PLD2: variants seen among roughly 807,000 people sequenced by gnomAD.
PLD2 encodes the protein phospholipase D2, also known as choline phosphatase 2.
PLD2 carries 101 observed loss-of-function variants against 119.8 expected under a neutral mutation model. That is an observed-to-expected ratio of 0.84 (90% CI 0.72 to 0.99). The LOEUF is 0.99. Among genes scored for constraint, PLD2 ranks in the 50% least tolerant of loss-of-function variants. The pLI is 0.00. For missense variants in PLD2, 1,164 were observed against 1,226.8 expected (o/e 0.95, Z 0.76); for synonymous variants, 494 against 482.8 (o/e 1.02, Z -0.30).
In PLD2 at chr17:4,808,195, G is replaced by A; in HGVS notation, c.241-79G>A. The A allele has an allele frequency of 6.3e-7, 1 of 1,591,592 alleles. No homozygotes were observed. Among genetic ancestry groups the A allele is most frequent in the Non-Finnish European group, 8.6e-7 (1 of 1,165,258 alleles). ...AGGTGGCTGGGCTGGCCCCAGGGAA[G>A]GGGCAAAAGGAGGGCTGGCCAGAGT... is the stretch of plus-strand genomic sequence containing the variant. On this transcript the variant is annotated intron_variant, in intron 3 of 24. Coordinates refer to ENST00000263088, the MANE Select transcript of PLD2 (RefSeq NM_002663.5). The surrounding 1 kb of genome is among the most constrained non-coding windows in gnomAD (Gnocchi z 4.1).
At position 4,808,214 on chromosome 17, in the gene PLD2, C is replaced by T; in HGVS notation, c.241-60C>T. 1 of 1,596,400 alleles carries T rather than the reference C, an allele frequency of 6.3e-7. No homozygotes were observed. The highest frequency in any genetic ancestry group is 1.1e-5 in the South Asian group (1 of 89,246). On this transcript the variant is annotated intron_variant, in intron 3 of 24. Transcript: ENST00000263088. This position sits in a 1 kb window ranked among gnomAD's most constrained non-coding sequence, Gnocchi z 4.1. ...AGGGAAGGGGCAAAAGGAGGGCTGG[C>T]CAGAGTGGGGAGGCGGGGACCCACG...
At chr17:4,816,486 C>A in intron 14 of PLD2, 134 bp from the exon 15 acceptor site, 1 of 920,534 alleles carries the variant, frequency 1.1e-6, no homozygotes, top group Non-Finnish European at 1.7e-6. Context: ...GAGGGGAGGG[C>A]TGGGGAATCA....
chr17:4,807,821 T>C lies in PLD2; in HGVS notation c.49T>C (p.Ser17Pro). The C allele has an allele frequency of 6.2e-7, 1 of 1,612,328 alleles. No individual in the cohort carries two copies. The highest frequency in any genetic ancestry group is 8.5e-7 in the Non-Finnish European group (1 of 1,179,576). Residue 17 changes from serine (S) to proline (P), a missense_variant, in exon 2 of 25, where the codon TCC (serine) becomes CCC (proline). Ser to Pro is a moderately conservative substitution (Grantham distance 74). Coordinates refer to ENST00000263088, the MANE Select transcript of PLD2 (RefSeq NM_002663.5). This position sits in a 1 kb window ranked among gnomAD's most constrained non-coding sequence, Gnocchi z 5.4. ...SLFPTGDELD[S>P]SQLQMESDEV... ...CTTCCCCACTGGGGACGAACTGGAC[T>C]CCAGCCAGCTCCAGATGGAGTCCGA...
At chr17:4,818,956 C>A in intron 21 of PLD2, 128 bp from the exon 22 acceptor site, 1 of 1,501,274 alleles carries the variant, frequency 6.7e-7, no homozygotes, top group Non-Finnish European at 9.1e-7. Flanking sequence ...CATAGCTGGC[C>A]TTTCACTGCA....
chr17:4,823,087 C>T lies in PLD2; in HGVS notation c.*223C>T. 1 of 542,878 alleles carries T rather than the reference C, an allele frequency of 1.8e-6. No individual in the cohort carries two copies. 33.6% of individuals were successfully genotyped at this position (542,878 alleles called of 1,614,324 possible). ...AGGAGGAGAGAGTCCCAGAGCTCAT[C>T]CCCCCTGCTGCCCAGTGCAAACCAC... On this transcript the variant is annotated 3_prime_UTR_variant, in exon 25 of 25. Coordinates refer to ENST00000263088, the MANE Select transcript of PLD2 (RefSeq NM_002663.5).
At chr17:4,821,699 T>C in intron 23 of PLD2, 94 bp from the exon 24 acceptor site, 1 of 881,106 alleles carries the variant, frequency 1.1e-6, no homozygotes, top group Non-Finnish European at 1.9e-6. Flanking sequence ...CCAGCCAATT[T>C]TGAATTACCT....
chr17:4,820,645 G>A (rs766428791), intron 23 of PLD2, among the ~76,000 whole-genome samples: 5 of 147,352 alleles, frequency 3.4e-5, no homozygotes, highest in East Asian at 4.0e-4. Flanking sequence ...GCGCGATCTC[G>A]GCTCACTGCA....
At chr17:4,820,302 T>C (rs534630678) in intron 23 of PLD2, among the ~76,000 whole-genome samples, 13 of 151,490 alleles carry the variant, frequency 8.6e-5, no homozygotes, top group Admixed American at 3.3e-4. Flanking sequence ...GGTTTCACTC[T>C]TGTCGCCCAG....
intron 5 of PLD2, 23 bp from the exon 6 acceptor site, chr17:4,809,275 T>C: frequency 6.2e-7 from 1 of 1,613,430 alleles, no homozygotes. Context: ...TCTGTCTCTC[T>C]CTCTCTCTCA....
Position 4,814,662 on chromosome 17 carries a change from C to T in PLD2, c.1124C>T (p.Pro375Leu), listed in dbSNP as rs772222355. ...WLSPEVYLKR[P>L]AHSDDWRLDI... is the part of the protein sequence containing the mutation. The stretch of plus-strand genomic sequence containing the variant: ...AGTCCTGAGGTTTACCTGAAGCGTC[C>T]GGCCCATTCAGATGACTGGAGACTG... Residue 375 changes from proline (P) to leucine (L), a missense_variant, in exon 12 of 25, where the codon CCG becomes CTG. Pro to Leu is a moderately conservative substitution (Grantham distance 98, BLOSUM62 -3). Coordinates refer to ENST00000263088, the MANE Select transcript of PLD2 (RefSeq NM_002663.5). 5 of 1,613,898 alleles carry T rather than the reference C, an allele frequency of 3.1e-6. No homozygotes were observed. Among genetic ancestry groups the T allele is most frequent in the African/African-American group, 1.3e-5 (1 of 74,854 alleles).
chr17:4,809,160 C>A lies in PLD2; in HGVS notation c.444C>A (p.Pro148=). 2.5e-6 allele frequency: 4 copies of A among 1,614,184 alleles called. No individual in the cohort carries two copies. The highest frequency in any genetic ancestry group is 3.4e-6 in the Non-Finnish European group (4 of 1,180,026). Residue 148 remains proline, a synonymous_variant, in exon 5 of 25, where the codon CCC becomes CCA. Transcript: ENST00000263088. ...GCAACAGAGAGATGCCCTCTCTACC[C>A]CGGGCAGGTCCTGAGGGCTCCACCA... ...DAGNREMPSL[P]RAGPEGSTRH...
At chr17:4,809,627 G>GC in intron 7 of PLD2, 64 bp from the exon 8 acceptor site, 1 of 1,608,792 alleles carries the variant, frequency 6.2e-7, no homozygotes, top group Non-Finnish European at 8.5e-7. Flanking sequence ...ATTGGGGCAA[G>GC]CAGTGCAGGG....
At chr17:4,818,906 G>T in intron 21 of PLD2, 83 bp downstream of exon 21, 2 of 1,515,144 alleles carry the variant, frequency 1.3e-6, no homozygotes, top group Non-Finnish European at 9.1e-7. Flanking sequence ...GGTGGGGGAA[G>T]GAGGCTGTCA....
chr17:4,821,771 C>CT, intron 23 of PLD2, 22 bp from the exon 24 acceptor site: 1 of 1,535,874 alleles, frequency 6.5e-7, no homozygotes, highest in Non-Finnish European at 9.0e-7. Flanking sequence ...TCTGGCCCTG[C>CT]TGGGACCCCT....
chr17:4,818,439 G>A (rs1234248233), intron 19 of PLD2, 54 bp downstream of exon 19: 3 of 1,604,704 alleles, frequency 1.9e-6, no homozygotes, highest in Non-Finnish European at 2.6e-6. Context: ...GAGCCCGGTT[G>A]AAGGGGGTGG....
Position 4,814,664 on chromosome 17 carries a change from G to A in PLD2, c.1126G>A (p.Ala376Thr). 1.2e-6 allele frequency: 2 copies of A among 1,614,086 alleles called. No individual in the cohort carries two copies. Among genetic ancestry groups the A allele is most frequent in the East Asian group, 2.2e-5 (1 of 44,878 alleles). Residue 376 changes from alanine (A) to threonine (T), a missense_variant, in exon 12 of 25, where the codon GCC becomes ACC. Coordinates refer to ENST00000263088, the MANE Select transcript of PLD2 (RefSeq NM_002663.5). ...LSPEVYLKRP[A>T]HSDDWRLDIM... ...TCCTGAGGTTTACCTGAAGCGTCCG[G>A]CCCATTCAGATGACTGGAGACTGGA...
rs759898324 is a variant in PLD2 at position 4,822,812 on chromosome 17, T to C, written c.2750T>C (p.Leu917Pro). ...AAGTTCCTAGAGGATGAGTCTTTGCTGCCCCCGCTGGGTAGCAAGGAGGGC... is the reference window on the plus strand; with the variant it reads ...AAGTTCCTAGAGGATGAGTCTTTGCCGCCCCCGCTGGGTAGCAAGGAGGGC... ...PLKFLEDESL[L>P]PPLGSKEGMI... Residue 917 changes from leucine to proline, a missense_variant, in exon 25 of 25, where the codon CTG becomes CCG. Coordinates refer to ENST00000263088, the MANE Select transcript of PLD2 (RefSeq NM_002663.5). 6.2e-7 allele frequency: 1 copy of C among 1,613,652 alleles called. No homozygotes were observed. The highest frequency in any genetic ancestry group is 8.5e-7 in the Non-Finnish European group (1 of 1,179,594).
Position 4,815,462 on chromosome 17 carries a change from C to T in PLD2, c.1174-14C>T. 6.6e-7 allele frequency: 1 copy of T among 1,520,124 alleles called. No individual in the cohort carries two copies. The highest frequency in any genetic ancestry group is 1.4e-5 in the African/African-American group (1 of 73,600). The allele number at this position is 1,520,124 out of a possible 1,614,324, so 94.2% of individuals were successfully genotyped here. A position where few individuals can be genotyped will look rare whatever the true frequency, so the allele number is the denominator to read the frequency against. ...GGAGAGGCACTAGGATCTGATTCCCCAACTCACCACCAGGAGGAGGGTGTC... is the reference window on the plus strand; with the variant it reads ...GGAGAGGCACTAGGATCTGATTCCCTAACTCACCACCAGGAGGAGGGTGTC... On this transcript the variant is annotated splice_polypyrimidine_tract_variant and intron_variant, in intron 12 of 24. Coordinates refer to ENST00000263088, the MANE Select transcript of PLD2 (RefSeq NM_002663.5).
Position 4,809,985 on chromosome 17 carries a change from G to A in PLD2, c.816G>A (p.Arg272=), listed in dbSNP as rs780488166. The A allele has an allele frequency of 6.2e-7, 1 of 1,613,974 alleles. No individual in the cohort carries two copies. Among genetic ancestry groups the A allele is most frequent in the Non-Finnish European group, 8.5e-7 (1 of 1,180,040 alleles). ...DPGFEVQVGK[R]STEARHGVRI... ...GCTTTGAGGTGCAAGTGGGGAAAAG[G>A]AGCACGGAGGCACGGCACGGCGTGC... The change falls in exon 9 of 25, where the codon AGG becomes AGA. Residue 272 remains arginine, a synonymous_variant. Coordinates refer to ENST00000263088, the MANE Select transcript of PLD2 (RefSeq NM_002663.5).
Sources: gnomAD v4.1 joint callset for allele counts (sites outside exome capture counted in the v4.1 genomes callset) on GRCh38, gnomAD v4.1.1 for gene constraint, Gnocchi (gnomAD v3.1) non-coding constraint, MANE v1.5 for transcripts, NCBI Gene and HGNC (gene_info 2026-07-23, HGNC 2026-07-21) for gene names.